SLC30A6: variants seen among roughly 807,000 people sequenced by gnomAD.
SLC30A6 encodes zinc transporter 6.
Under a neutral mutation model 63.0 loss-of-function variants are expected in SLC30A6, and 55 were observed. The observed-to-expected ratio is 0.87, with a 90% CI of 0.70 to 1.09. The LOEUF is 1.09. SLC30A6 is among the 50% of genes least tolerant of loss of function. The pLI, the probability that SLC30A6 is intolerant of heterozygous loss-of-function variation, is 0.00. For synonymous variants in SLC30A6, 224 were observed against 186.1 expected, an observed-to-expected ratio of 1.20 and a Z score of -1.66; for missense variants, 587 against 549.2, an observed-to-expected ratio of 1.07 and a Z score of -0.69.
chr2:32,217,786 T>A (rs1685830762), intron 13 of SLC30A6, among the ~76,000 whole-genome samples: 1 of 152,168 alleles, frequency 6.6e-6, no homozygotes, highest in African/African-American at 2.4e-5. Context: ...ACCTCTTTGG[T>A]TAGATGTATT....
At chr2:32,180,349 A>G (rs1390972543) in intron 4 of SLC30A6, among the ~76,000 whole-genome samples, 1 of 151,486 alleles carries the variant, frequency 6.6e-6, no homozygotes, top group Non-Finnish European at 1.5e-5. Flanking sequence ...GGCTGCAGTG[A>G]GCTATGATTG....
rs117787177 is a variant in SLC30A6 at position 32,176,920 on chromosome 2, G to A, written c.218+1559G>A. Among the ~76,000 whole-genome samples the A allele has an allele frequency of 2.8e-3, 426 of 151,814 alleles. 7 individuals are homozygous for A. Among genetic ancestry groups the A allele is most frequent in the East Asian group, 0.02 (102 of 5,050 alleles). On this transcript the variant is annotated intron_variant, in intron 4 of 13. Coordinates refer to ENST00000282587, the MANE Select transcript of SLC30A6 (RefSeq NM_017964.5). ...CCCAAGTAGCTGGGAATACAGACAT[G>A]CACCACCACGCCTGGCAAATTTTTG... is the stretch of plus-strand genomic sequence containing the variant.
intron 6 of SLC30A6, among the ~76,000 whole-genome samples, chr2:32,192,707 G>C (rs1345980956): frequency 1.3e-5 from 2 of 152,080 alleles, no homozygotes; most frequent in Non-Finnish European, 2.9e-5. Context: ...GGCAGAGAAA[G>C]ATAGACATTA....
Position 32,171,509 on chromosome 2 carries a change from A to AT in SLC30A6, c.90+143dup, listed in dbSNP as rs892416810. The AT allele has an allele frequency of 8.2e-6, 5 of 609,264 alleles. No homozygotes were observed. The African/African-American group carries it at 9.2e-5, about 11-fold the overall frequency. 37.7% of individuals were successfully genotyped at this position (609,264 alleles called of 1,614,324 possible). A position where few individuals can be genotyped will look rare whatever the true frequency, so the allele number is the denominator to read the frequency against. ...TTTCATTTTTCTATGTTGGAAAAGT[A>AT]TTTTTTTAGTGTAAAATTGCAGTTG... On this transcript the variant is annotated intron_variant, in intron 2 of 13. Coordinates refer to ENST00000282587, the MANE Select transcript of SLC30A6 (RefSeq NM_017964.5).
chr2:32,204,201 C>T (rs545344215), intron 10 of SLC30A6, among the ~76,000 whole-genome samples: 4 of 152,150 alleles, frequency 2.6e-5, no homozygotes, highest in African/African-American at 9.6e-5. Context: ...TAAAAAACCT[C>T]TTTTTATTGT....
chr2:32,193,388 A>G (rs771065975), intron 7 of SLC30A6, among the ~76,000 whole-genome samples: 4 of 152,146 alleles, frequency 2.6e-5, no homozygotes, highest in Non-Finnish European at 5.9e-5. Context: ...CAACCTGGAC[A>G]ACAGAGTGAG....
intron 5 of SLC30A6, chr2:32,187,358 C>G (rs534601895): frequency 2.4e-6 from 1 of 408,990 alleles, no homozygotes; most frequent in Admixed American, 2.8e-5. Flanking sequence ...CTGCCTAGTT[C>G]AGAAAATCAT....
rs1684826770 is a variant in SLC30A6, at chr2:32,206,952, T to C, written c.816+19T>C. 1 of 1,571,950 alleles carries C rather than the reference T, an allele frequency of 6.4e-7. No individual in the cohort carries two copies. The highest frequency in any genetic ancestry group is 1.7e-5 in the Admixed American group (1 of 59,826). ...CAGAGAGGTAAGATGGAATAGTAAATAAAATCATTTTATTTTATATCAGGG... is the reference window on the plus strand; with the variant it reads ...CAGAGAGGTAAGATGGAATAGTAAACAAAATCATTTTATTTTATATCAGGG... On this transcript the variant is annotated intron_variant, in intron 12 of 13. Transcript: ENST00000282587.
intron 13 of SLC30A6, among the ~76,000 whole-genome samples, chr2:32,215,975 G>C (rs1685670031): frequency 6.6e-6 from 1 of 152,176 alleles, no homozygotes; most frequent in South Asian, 2.1e-4. Context: ...TGGGCACCTA[G>C]GTTGATGCCA....
intron 10 of SLC30A6, among the ~76,000 whole-genome samples, chr2:32,198,686 C>G (rs773710565): frequency 1.4e-4 from 21 of 152,146 alleles, no homozygotes; most frequent in Non-Finnish European, 2.6e-4. Flanking sequence ...CGAGTTCAAG[C>G]AATTCTCCTG....
At chr2:32,216,582 T>TAAATAAATAAATA (rs771956010) in intron 13 of SLC30A6, among the ~76,000 whole-genome samples, 2 of 139,624 alleles carry the variant, frequency 1.4e-5, no homozygotes, top group African/African-American at 5.2e-5. Flanking sequence ...AATAAATAAA[T>TAAATAAATAAATA]AATAATAATG....
rs918891969 is a variant in SLC30A6 at position 32,223,840 on chromosome 2, A to G, written c.*3127A>G. On this transcript the variant is annotated 3_prime_UTR_variant, in exon 14 of 14. Transcript: ENST00000282587. ...AGGGTACCCTTAGTTTATATAGGGT[A>G]CAAAAGAATGGGAAACATCTTCCCT... The G allele has an allele frequency of 1.3e-5, 2 of 152,192 alleles. No individual in the cohort carries two copies. The highest frequency in any genetic ancestry group is 4.8e-5 in the African/African-American group (2 of 41,452). The allele number at this position is 152,192 out of a possible 1,614,324, so 9.4% of individuals were successfully genotyped here.
intron 10 of SLC30A6, chr2:32,202,777 C>T (rs1684409268): frequency 9.8e-6 from 7 of 717,648 alleles, no homozygotes; most frequent in Middle Eastern, 2.8e-4. Flanking sequence ...TTACTTTTTT[C>T]TGCAGCTCGC....
In SLC30A6 at chr2:32,221,064, T is replaced by C. The variant is rs983345571; in HGVS notation, c.*351T>C. On this transcript the variant is annotated 3_prime_UTR_variant, in exon 14 of 14. Transcript: ENST00000282587. ...CACATTACTAAGATACGATATTTCT[T>C]TTTTTTTCCGAGACGGAGTCTTGCT... is the stretch of plus-strand genomic sequence containing the variant. The C allele has an allele frequency of 9.6e-6, 2 of 207,830 alleles. No homozygotes were observed. Among genetic ancestry groups the C allele is most frequent in the Non-Finnish European group, 2.0e-5 (2 of 101,856 alleles). The allele number at this position is 207,830 out of a possible 1,614,324, so 12.9% of individuals were successfully genotyped here.
rs1340656923 is a variant in SLC30A6, at chr2:32,222,641, C to G, written c.*1928C>G. The G allele has an allele frequency of 4.6e-5, 7 of 152,158 alleles. No homozygotes were observed. In the East Asian group the frequency reaches 1.3e-3, roughly 29 times the overall value. 9.4% of individuals were successfully genotyped at this position (152,158 alleles called of 1,614,324 possible). ...ATGTGACCTGCTAAAGAAATACAGC[C>G]TACACTACCTTGACTACTGGGGAAA... On this transcript the variant is annotated 3_prime_UTR_variant, in exon 14 of 14. Coordinates refer to ENST00000282587, the MANE Select transcript of SLC30A6 (RefSeq NM_017964.5).
chr2:32,181,511 T>A (rs911884399), intron 4 of SLC30A6, among the ~76,000 whole-genome samples: 4 of 151,892 alleles, frequency 2.6e-5, no homozygotes, highest in African/African-American at 7.3e-5. Flanking sequence ...TTTTCAGATT[T>A]CTTATTATTA....
intron 10 of SLC30A6, chr2:32,202,961 G>T (rs1684423858): frequency 1.8e-6 from 2 of 1,137,570 alleles, no homozygotes; most frequent in South Asian, 1.2e-5. Context: ...TCTACAGTGG[G>T]TCTGAAGGGA....
rs1222691945 is a variant in SLC30A6 at position 32,220,277 on chromosome 2, C to A, written c.950C>A (p.Thr317Asn). The change falls in exon 14 of 14, where the codon ACC (threonine) becomes AAC (asparagine). Residue 317 changes from threonine to asparagine, a missense_variant. Physicochemically the swap from Thr to Asn is moderately conservative, Grantham distance 65. Coordinates refer to ENST00000282587, the MANE Select transcript of SLC30A6 (RefSeq NM_017964.5). The stretch of plus-strand genomic sequence containing the variant: ...GAACAAATGGTTCTTGCTCATGTGA[C>A]CAACAGGCTGTACACTCTAGTGTCT... ...ANEQMVLAHV[T>N]NRLYTLVSTL... 3 of 1,614,024 alleles carry A rather than the reference C, an allele frequency of 1.9e-6. No homozygotes were observed. Among genetic ancestry groups the A allele is most frequent in the South Asian group, 1.1e-5 (1 of 91,090 alleles).
intron 10 of SLC30A6, chr2:32,202,495 A>ATT (rs534780400): frequency 1.1e-5 from 3 of 265,918 alleles, no homozygotes; most frequent in East Asian, 2.2e-4. Flanking sequence ...ACCCCCGACT[A>ATT]TTTTTTTTTG....
Sources: allele counts gnomAD v4.1 joint callset (sites outside exome capture counted in the v4.1 genomes callset), GRCh38; gene constraint gnomAD v4.1.1; transcripts MANE v1.5; gene names NCBI Gene and HGNC (gene_info 2026-07-23, HGNC 2026-07-21).